The following RYR3 variants were observed in gnomAD, a reference collection of about 807,000 sequenced individuals.
RYR3 encodes ryanodine receptor 3, also known as brain ryanodine receptor-calcium release channel.
In RYR3, 207 loss-of-function variants were observed where a neutral mutation model predicts 584.3. The observed-to-expected ratio is 0.35, with a 90% CI of 0.32 to 0.40. RYR3 has a LOEUF of 0.40. Among genes scored for constraint, RYR3 ranks in the 10% least tolerant of loss-of-function variants. The probability of loss-of-function intolerance (pLI) is 1.00; values close to 1 mark genes in which losing one functional copy is unlikely to be tolerated. For missense variants in RYR3, 5,616 were observed against 6,089.2 expected, an observed-to-expected ratio of 0.92 and a Z score of 2.59; for synonymous variants, 2,416 against 2,248.5, an observed-to-expected ratio of 1.07 and a Z score of -2.11.
At chr15:33,590,881 AATT>A (rs2059098532) in intron 16 of RYR3, among the ~76,000 whole-genome samples, 2 of 152,180 alleles carry the variant, frequency 1.3e-5, no homozygotes, top group Non-Finnish European at 2.9e-5. Flanking sequence ...TAATGGTAGC[AATT>A]ATTATACCTT....
chr15:33,860,039 C>T (rs1440472394), intron 100 of RYR3, among the ~76,000 whole-genome samples: 1 of 152,182 alleles, frequency 6.6e-6, no homozygotes, highest in East Asian at 1.9e-4. Context: ...TTGTCCTCTT[C>T]ATTTTCTTCC....
chr15:33,386,021 A>G (rs1045641284), intron 1 of RYR3, among the ~76,000 whole-genome samples: 1 of 151,994 alleles, frequency 6.6e-6, no homozygotes, highest in Admixed American at 6.6e-5. Flanking sequence ...TCTTTTTTTT[A>G]AAACATGTTA....
At chr15:33,569,820 C>A (rs1355307141) in intron 12 of RYR3, among the ~76,000 whole-genome samples, 1 of 151,524 alleles carries the variant, frequency 6.6e-6, no homozygotes, top group Non-Finnish European at 1.5e-5. Context: ...GTGGTGGTTT[C>A]AGTTTGAATT....
At chr15:33,641,681 G>T (rs1417545318) in intron 27 of RYR3, among the ~76,000 whole-genome samples, 1 of 152,136 alleles carries the variant, frequency 6.6e-6, no homozygotes, top group South Asian at 2.1e-4. Context: ...AGATTTAGCT[G>T]TTCTGCTGCT....
rs1247328601 is a variant in RYR3 at position 33,624,553 on chromosome 15, T to G, written c.2574+530T>G. Among the ~76,000 whole-genome samples the G allele has an allele frequency of 2.0e-5, 3 of 152,000 alleles. No homozygotes were observed. The East Asian group carries it at 5.8e-4, about 29-fold the overall frequency. On this transcript the variant is annotated intron_variant, in intron 20 of 103. Coordinates refer to ENST00000634891, the MANE Select transcript of RYR3 (RefSeq NM_001036.6). ...AACACAAAGTAGAAGTATAGACAGG[T>G]GGCAATGCGTATTCTCATATGGCTG...
intron 1 of RYR3, among the ~76,000 whole-genome samples, chr15:33,378,901 G>A (rs941519443): frequency 6.6e-6 from 1 of 151,924 alleles, no homozygotes; most frequent in African/African-American, 2.4e-5. Context: ...GAAGTTCAAC[G>A]TTAATATGAG....
chr15:33,599,503 A>C (rs1381924202), intron 16 of RYR3, among the ~76,000 whole-genome samples: 1 of 152,204 alleles, frequency 6.6e-6, no homozygotes, highest in Admixed American at 6.5e-5. Context: ...GGAAGACTGG[A>C]AGCGGACAGG....
chr15:33,756,436 G>C (rs1395377498), intron 59 of RYR3, 63 bp downstream of exon 59: 1 of 1,172,036 alleles, frequency 8.5e-7, no homozygotes, highest in Non-Finnish European at 1.2e-6. Context: ...TTAGGAAACA[G>C]GTTAAGTGGA....
At chr15:33,848,443 C>A (rs1199360832) in intron 94 of RYR3, 22 bp downstream of exon 94, 2 of 1,595,258 alleles carry the variant, frequency 1.3e-6, no homozygotes, top group African/African-American at 1.4e-5. Context: ...TCTACCCCAA[C>A]CTAAAAAGGA....
At chr15:33,392,327 G>C (rs555009330) in intron 1 of RYR3, among the ~76,000 whole-genome samples, 1 of 151,406 alleles carries the variant, frequency 6.6e-6, no homozygotes, top group African/African-American at 2.4e-5. Flanking sequence ...TTATTTCAAG[G>C]TACCTATGAT....
At chr15:33,466,625 C>T (rs966300143) in intron 1 of RYR3, among the ~76,000 whole-genome samples, 1 of 152,154 alleles carries the variant, frequency 6.6e-6, no homozygotes, top group African/African-American at 2.4e-5. Context: ...ATCTGTTAAC[C>T]TTTACTTTCA....
chr15:33,807,124 C>G (rs74008332), intron 69 of RYR3, among the ~76,000 whole-genome samples: 2,351 of 152,176 alleles, frequency 0.015, 51 homozygotes, highest in African/African-American at 0.052. Flanking sequence ...ACAGATGTTG[C>G]TAATGTGGTG....
chr15:33,549,592 T>C (rs1026478145), intron 9 of RYR3, among the ~76,000 whole-genome samples: 2 of 152,204 alleles, frequency 1.3e-5, no homozygotes, highest in East Asian at 3.8e-4. Flanking sequence ...TCAATATGAG[T>C]TCTCACTTGT....
chr15:33,580,947 T>A (rs1416300228), intron 13 of RYR3, among the ~76,000 whole-genome samples: 1 of 151,982 alleles, frequency 6.6e-6, no homozygotes, highest in Non-Finnish European at 1.5e-5. Context: ...CTAGCACAGA[T>A]TTTTACTGGG....
chr15:33,748,133 G>C lies in RYR3; in HGVS notation c.8009G>C (p.Trp2670Ser). ...TTCTAGGAGAAGGAAATTTATCGCTGGCCTGCGCGAGAGTCCCTGAAAACC... is the reference window on the plus strand; with the variant it reads ...TTCTAGGAGAAGGAAATTTATCGCTCGCCTGCGCGAGAGTCCCTGAAAACC... The part of the protein sequence containing the change: ...LTEKEKEIYR[W>S]PARESLKTML... Residue 2670 changes from tryptophan (W) to serine (S), a missense_variant, in exon 54 of 104, where the codon TGG becomes TCG. Physicochemically the swap from Trp to Ser is radical, Grantham distance 177. Around this residue, in one of 9 missense-constraint regions of RYR3, gnomAD observed 1,280 missense variants for 1,426.2 expected, o/e 0.90. Coordinates refer to ENST00000634891, the MANE Select transcript of RYR3 (RefSeq NM_001036.6). The C allele has an allele frequency of 6.2e-7, 1 of 1,613,810 alleles. No homozygotes were observed. The highest frequency in any genetic ancestry group is 8.5e-7 in the Non-Finnish European group (1 of 1,179,852).
At chr15:33,341,888 C>T (rs1971865182) in intron 1 of RYR3, among the ~76,000 whole-genome samples, 1 of 151,984 alleles carries the variant, frequency 6.6e-6, no homozygotes, top group African/African-American at 2.4e-5. Flanking sequence ...TAAGTCATTT[C>T]TAGACCAGAA....
intron 43 of RYR3, among the ~76,000 whole-genome samples, chr15:33,709,638 G>T (rs796499546): frequency 6.6e-6 from 1 of 152,194 alleles, no homozygotes; most frequent in South Asian, 2.1e-4. Flanking sequence ...CTCTTGCCAT[G>T]TGATGCCTTC....
At chr15:33,747,976 A>T (rs1300836939) in intron 53 of RYR3, 138 bp from the exon 54 acceptor site, 2 of 725,524 alleles carry the variant, frequency 2.8e-6, no homozygotes, top group African/African-American at 1.8e-5. Flanking sequence ...GCCACAAAGG[A>T]TGTTTTGACC....
At chr15:33,602,139 A>G (rs116647507) in intron 17 of RYR3, among the ~76,000 whole-genome samples, 2,143 of 152,322 alleles carry the variant, frequency 0.014, 53 homozygotes, top group African/African-American at 0.049. Flanking sequence ...CTAGGCCTAC[A>G]CACTAATCCA....
Sources: gnomAD v4.1 joint callset for allele counts (sites outside exome capture counted in the v4.1 genomes callset) on GRCh38, gnomAD v4.1.1 for gene constraint, gnomAD v4.1.1 regional missense constraint, MANE v1.5 for transcripts, NCBI Gene and HGNC (gene_info 2026-07-23, HGNC 2026-07-21) for gene names.